The following WDFY2 variants were observed in gnomAD, a reference collection of about 807,000 sequenced individuals.
WDFY2 encodes WD repeat and FYVE domain containing 2, also known as WD repeat and FYVE domain-containing protein 2.
WDFY2 carries 36 observed loss-of-function variants against 56.4 expected under a neutral mutation model. The observed-to-expected ratio is 0.64, with a 90% confidence interval of 0.49 to 0.84. The LOEUF (loss-of-function observed/expected upper bound fraction) is 0.84, where lower values mean the gene tolerates loss of function less well. Ranked by LOEUF, WDFY2 falls within the 40% of genes least tolerant of loss-of-function variation. The probability of loss-of-function intolerance (pLI) is 0.00; values close to 1 mark genes in which losing one functional copy is unlikely to be tolerated. For missense variants in WDFY2, 444 were observed against 512.2 expected, an observed-to-expected ratio of 0.87 and a Z score of 1.29; for synonymous variants, 176 against 183.7, an observed-to-expected ratio of 0.96 and a Z score of 0.34.
chr13:51,600,617 A>G (rs879600472), intron 1 of WDFY2, among the ~76,000 whole-genome samples: 1 of 152,204 alleles, frequency 6.6e-6, no homozygotes, highest in Non-Finnish European at 1.5e-5. Flanking sequence ...TGGTCTGGCT[A>G]GGGTCAGCTG....
At chr13:51,697,430 C>G (rs1377255296) in intron 3 of WDFY2, among the ~76,000 whole-genome samples, 1 of 152,000 alleles carries the variant, frequency 6.6e-6, no homozygotes, top group Non-Finnish European at 1.5e-5. Context: ...CTCAGGAGTT[C>G]AAGAGCAGCC....
chr13:51,690,057 A>G (rs779520005), intron 3 of WDFY2, among the ~76,000 whole-genome samples: 3 of 152,058 alleles, frequency 2.0e-5, no homozygotes, highest in Non-Finnish European at 2.9e-5. Context: ...TCTTTTCACT[A>G]AATTTTTTGT....
At chr13:51,713,774 G>A (rs2138613352) in intron 4 of WDFY2, among the ~76,000 whole-genome samples, 1 of 150,818 alleles carries the variant, frequency 6.6e-6, no homozygotes, top group East Asian at 1.9e-4. Context: ...TTGAACCCAG[G>A]AGGTGGAGGT....
At chr13:51,677,975 A>G (rs1262164667) in intron 3 of WDFY2, among the ~76,000 whole-genome samples, 1 of 152,158 alleles carries the variant, frequency 6.6e-6, no homozygotes, top group African/African-American at 2.4e-5. Flanking sequence ...AGGTAAAGAT[A>G]ATGAGGTGAG....
intron 4 of WDFY2, 32 bp downstream of exon 4, chr13:51,703,682 A>T: frequency 6.4e-7 from 1 of 1,563,916 alleles, no homozygotes; most frequent in East Asian, 2.3e-5. Flanking sequence ...TTCATTACCC[A>T]GATTCTAAAA....
chr13:51,700,881 C>T (rs550315884), intron 3 of WDFY2, among the ~76,000 whole-genome samples: 3 of 152,254 alleles, frequency 2.0e-5, no homozygotes, highest in East Asian at 3.9e-4. Flanking sequence ...GTAGGAGAAT[C>T]GCTTGAACCC....
At chr13:51,589,965 T>C (rs1439309827) in intron 1 of WDFY2, 2 of 152,160 alleles carry the variant, frequency 1.3e-5, no homozygotes, top group African/African-American at 4.8e-5. Flanking sequence ...TGCCTCTGTG[T>C]TTCCAAAGGT....
At chr13:51,668,459 A>C (rs1174022316) in intron 2 of WDFY2, among the ~76,000 whole-genome samples, 3 of 152,244 alleles carry the variant, frequency 2.0e-5, no homozygotes, top group African/African-American at 4.8e-5. Context: ...TGTTGGATTT[A>C]GATGTAAAAT....
intron 1 of WDFY2, among the ~76,000 whole-genome samples, chr13:51,641,195 C>T (rs1955148300): frequency 6.6e-6 from 1 of 151,958 alleles, no homozygotes; most frequent in South Asian, 2.1e-4. Flanking sequence ...GCCCTAGCCT[C>T]CCGAGTAGCT....
intron 3 of WDFY2, among the ~76,000 whole-genome samples, chr13:51,687,183 T>A (rs1956075915): frequency 6.6e-6 from 1 of 151,350 alleles, no homozygotes; most frequent in Non-Finnish European, 1.5e-5. Flanking sequence ...CACTTAACAT[T>A]TTTATTCAAT....
intron 7 of WDFY2, among the ~76,000 whole-genome samples, chr13:51,745,572 G>A (rs1051624041): frequency 5.3e-5 from 8 of 152,160 alleles, no homozygotes; most frequent in African/African-American, 1.4e-4. Flanking sequence ...GTAGTCCCCT[G>A]TAGAATCAGA....
At chr13:51,660,001 C>T (rs1342772742) in intron 1 of WDFY2, among the ~76,000 whole-genome samples, 1 of 152,116 alleles carries the variant, frequency 6.6e-6, no homozygotes, top group Non-Finnish European at 1.5e-5. Context: ...GGCAAAACAA[C>T]AAGAACGAAA....
chr13:51,730,043 G>C, intron 6 of WDFY2, among the ~76,000 whole-genome samples: 1 of 152,106 alleles, frequency 6.6e-6, no homozygotes, highest in South Asian at 2.1e-4. Flanking sequence ...CTATGAATTT[G>C]ACTAGTCTAG....
At chr13:51,754,454 G>A (rs937362936) in intron 8 of WDFY2, among the ~76,000 whole-genome samples, 2 of 152,154 alleles carry the variant, frequency 1.3e-5, no homozygotes, top group Non-Finnish European at 2.9e-5. Context: ...TACTTCTCAT[G>A]GAGAACAGGG....
At chr13:51,642,428 C>T (rs1955185348) in intron 1 of WDFY2, among the ~76,000 whole-genome samples, 1 of 151,928 alleles carries the variant, frequency 6.6e-6, no homozygotes, top group Admixed American at 6.6e-5. Flanking sequence ...GCTGGGACTA[C>T]AGGTGTGCTC....
intron 3 of WDFY2, among the ~76,000 whole-genome samples, chr13:51,700,633 G>A (rs1303420866): frequency 6.6e-6 from 1 of 152,142 alleles, no homozygotes; most frequent in Non-Finnish European, 1.5e-5. Flanking sequence ...TTTCAGTAAG[G>A]AAAACTAGAA....
At chr13:51,690,098 G>A (rs1956125378) in intron 3 of WDFY2, among the ~76,000 whole-genome samples, 1 of 151,288 alleles carries the variant, frequency 6.6e-6, no homozygotes, top group Admixed American at 6.6e-5. Flanking sequence ...TTTATAGATT[G>A]TTATTTATAT....
chr13:51,595,780 A>G (rs1485112075), intron 1 of WDFY2, among the ~76,000 whole-genome samples: 2 of 152,204 alleles, frequency 1.3e-5, no homozygotes, highest in Non-Finnish European at 2.9e-5. Context: ...ATATAGGTAA[A>G]AAATCAAGAC....
At chr13:51,668,226 TA>T (rs1955747804) in intron 2 of WDFY2, among the ~76,000 whole-genome samples, 1 of 152,158 alleles carries the variant, frequency 6.6e-6, no homozygotes, top group Non-Finnish European at 1.5e-5. Flanking sequence ...AAATCCAAAC[TA>T]AACATGCTAG....
Sources: allele counts gnomAD v4.1 joint callset (sites outside exome capture counted in the v4.1 genomes callset), GRCh38; gene constraint gnomAD v4.1.1; transcripts MANE v1.5; gene names NCBI Gene and HGNC (gene_info 2026-07-23, HGNC 2026-07-21).